CNTN5: variants seen among roughly 807,000 people sequenced by gnomAD.
CNTN5 encodes contactin 5, also known as contactin-5.
Under a neutral mutation model 129.1 loss-of-function variants are expected in CNTN5, and 77 were observed. The observed-to-expected ratio is 0.60, with a 90% CI of 0.50 to 0.72. CNTN5 has a LOEUF of 0.72. CNTN5 is among the 30% of genes least tolerant of loss of function. CNTN5 has a pLI of 0.00. For synonymous variants in CNTN5, 509 were observed against 465.6 expected, an observed-to-expected ratio of 1.09 and a Z score of -1.20; for missense variants, 1,478 against 1,328.8, an observed-to-expected ratio of 1.11 and a Z score of -1.75.
intron 2 of CNTN5, among the ~76,000 whole-genome samples, chr11:99,512,751 AG>A (rs2135415797): frequency 6.6e-6 from 1 of 152,238 alleles, no homozygotes; most frequent in Admixed American, 6.6e-5. Context: ...CCCATATAAG[AG>A]GGTGAACATA....
At position 99,661,383 on chromosome 11, in the gene CNTN5, TC is replaced by T. The variant is rs143287952; in HGVS notation, c.55+105116del. Among the ~76,000 whole-genome samples, 679 of 152,282 alleles carry T rather than the reference TC, an allele frequency of 4.5e-3. 5 individuals are homozygous for T. The highest frequency in any genetic ancestry group is 0.016 in the African/African-American group (646 of 41,570). On this transcript the variant is annotated intron_variant, in intron 3 of 24. Coordinates refer to ENST00000524871, the MANE Select transcript of CNTN5 (RefSeq NM_014361.4). ...AGAGGGACCTTGTTAATTTCAAACT[TC>T]CTTGAAGTTATCACTAATTAGTATA...
At position 100,007,787 on chromosome 11, in the gene CNTN5, C is replaced by CT. The variant is rs565795248; in HGVS notation, c.980+5662dup. Reference sequence around the variant, plus strand: ...TAGCAATTTTAATTTCCTTCAAAAACTTTTTTTTTTTCATTCACAAGTCGG... The same window carrying CT: ...TAGCAATTTTAATTTCCTTCAAAAACTTTTTTTTTTTTCATTCACAAGTCGG... On this transcript the variant is annotated intron_variant, in intron 9 of 24. Coordinates refer to ENST00000524871, the MANE Select transcript of CNTN5 (RefSeq NM_014361.4). Among the ~76,000 whole-genome samples the CT allele has an allele frequency of 5.9e-3, 873 of 148,754 alleles. 4 individuals carry two copies. The highest frequency in any genetic ancestry group is 0.017 in the African/African-American group (700 of 40,566).
chr11:100,275,523 G>C (rs1484088243), intron 18 of CNTN5, among the ~76,000 whole-genome samples: 1 of 152,164 alleles, frequency 6.6e-6, no homozygotes, highest in Non-Finnish European at 1.5e-5. Flanking sequence ...ATCCATTTGG[G>C]ATGAATAATC....
At chr11:100,058,377 C>T (rs1048162653) in intron 9 of CNTN5, among the ~76,000 whole-genome samples, 2 of 151,266 alleles carry the variant, frequency 1.3e-5, no homozygotes, top group East Asian at 2.0e-4. Flanking sequence ...ACCAAGCAGT[C>T]ACTCACCATT....
intron 8 of CNTN5, among the ~76,000 whole-genome samples, chr11:99,960,938 CA>C (rs1426423173): frequency 6.6e-6 from 1 of 152,104 alleles, no homozygotes; most frequent in African/African-American, 2.4e-5. Context: ...CACCGTGGCT[CA>C]TGCCTGTAAT....
intron 3 of CNTN5, among the ~76,000 whole-genome samples, chr11:99,704,293 C>A (rs554000579): frequency 6.6e-6 from 1 of 150,920 alleles, no homozygotes; most frequent in Admixed American, 6.6e-5. Flanking sequence ...TTATTAAATG[C>A]CACGTTAAAT....
chr11:99,381,970 G>A (rs766350603), intron 2 of CNTN5, among the ~76,000 whole-genome samples: 26 of 121,276 alleles, frequency 2.1e-4, no homozygotes, highest in South Asian at 2.1e-3. Context: ...AAAAATCGTA[G>A]TCTCCCTTTA....
intron 21 of CNTN5, chr11:100,336,961 A>C: frequency 1.4e-6 from 1 of 717,882 alleles, no homozygotes; most frequent in Non-Finnish European, 2.6e-6. Flanking sequence ...TCTTAGGCAG[A>C]AAAGAAATCA....
At chr11:100,308,656 A>C (rs565877902) in intron 21 of CNTN5, 188 bp downstream of exon 21, 1 of 1,285,742 alleles carries the variant, frequency 7.8e-7, no homozygotes, top group African/African-American at 1.5e-5. Flanking sequence ...TTTATTTTTC[A>C]GTACAGTAGC....
chr11:99,224,698 C>A (rs1180474081), intron 1 of CNTN5, among the ~76,000 whole-genome samples: 1 of 129,614 alleles, frequency 7.7e-6, no homozygotes, highest in South Asian at 2.4e-4. Flanking sequence ...TGCTCTGTCA[C>A]CCAAGCTGGA....
intron 4 of CNTN5, among the ~76,000 whole-genome samples, chr11:99,825,277 C>G (rs1038724578): frequency 3.3e-5 from 5 of 151,912 alleles, no homozygotes; most frequent in African/African-American, 1.2e-4. Context: ...ATTCCTCTCT[C>G]TTGTATTTTT....
chr11:99,399,856 T>A (rs1941707615), intron 2 of CNTN5, among the ~76,000 whole-genome samples: 1 of 152,008 alleles, frequency 6.6e-6, no homozygotes, highest in South Asian at 2.1e-4. Flanking sequence ...TATAATTTTT[T>A]ATTTTTAATT....
At chr11:99,933,362 A>T (rs546473070) in intron 7 of CNTN5, among the ~76,000 whole-genome samples, 22 of 152,198 alleles carry the variant, frequency 1.4e-4, no homozygotes, top group Non-Finnish European at 2.6e-4. Flanking sequence ...GTATATTAAC[A>T]TATAATGAAC....
chr11:100,142,029 C>G (rs897779509), intron 13 of CNTN5, among the ~76,000 whole-genome samples: 6 of 152,024 alleles, frequency 3.9e-5, no homozygotes, highest in African/African-American at 1.4e-4. Flanking sequence ...TCTCTCTTTC[C>G]TGGAGCTGGG....
At chr11:99,216,044 A>G (rs1283358502) in intron 1 of CNTN5, among the ~76,000 whole-genome samples, 1 of 152,102 alleles carries the variant, frequency 6.6e-6, no homozygotes, top group East Asian at 1.9e-4. Context: ...TCTTTTAGTT[A>G]TTTTAAAATG....
intron 3 of CNTN5, among the ~76,000 whole-genome samples, chr11:99,719,101 T>C (rs531345854): frequency 6.6e-6 from 1 of 152,150 alleles, no homozygotes; most frequent in Non-Finnish European, 1.5e-5. Flanking sequence ...GGTGGATCAC[T>C]TGAGGCCAGG....
At chr11:99,707,704 A>G (rs993787789) in intron 3 of CNTN5, among the ~76,000 whole-genome samples, 3 of 151,682 alleles carry the variant, frequency 2.0e-5, no homozygotes, top group African/African-American at 7.2e-5. Flanking sequence ...CTTAATCTTT[A>G]TTAACCTGAG....
intron 1 of CNTN5, among the ~76,000 whole-genome samples, chr11:99,133,374 G>C (rs1056016100): frequency 9.2e-5 from 6 of 64,926 alleles, no homozygotes; most frequent in African/African-American, 4.1e-4. Context: ...ATTGCCAAAA[G>C]CAATTGCAAA....
intron 1 of CNTN5, among the ~76,000 whole-genome samples, chr11:99,072,378 G>A (rs1178327446): frequency 6.6e-6 from 1 of 152,040 alleles, no homozygotes; most frequent in Non-Finnish European, 1.5e-5. Context: ...TGATGTCATT[G>A]GGGCTATTCA....
Sources: allele counts gnomAD v4.1 joint callset (sites outside exome capture counted in the v4.1 genomes callset), GRCh38; gene constraint gnomAD v4.1.1; transcripts MANE v1.5; gene names NCBI Gene and HGNC (gene_info 2026-07-23, HGNC 2026-07-21).